The following AVL9 variants were observed in gnomAD, a reference collection of about 807,000 sequenced individuals.
AVL9 encodes the protein late secretory pathway protein AVL9 homolog.
In AVL9, 49 loss-of-function variants were observed where a neutral mutation model predicts 79.2. The observed-to-expected ratio is 0.62, with a 90% confidence interval of 0.49 to 0.79. The LOEUF is 0.79. Among genes scored for constraint, AVL9 ranks in the 30% least tolerant of loss-of-function variants. The pLI is 0.00. For missense variants in AVL9, 682 were observed against 776.8 expected (o/e 0.88, Z 1.45); for synonymous variants, 299 against 280.6 (o/e 1.07, Z -0.65).
Position 32,580,799 on chromosome 7 carries a change from C to T in AVL9, c.1743-3C>T. 6.2e-7 allele frequency: 1 copy of T among 1,610,190 alleles called. No individual in the cohort carries two copies. The highest frequency in any genetic ancestry group is 8.5e-7 in the Non-Finnish European group (1 of 1,177,046). On this transcript the variant is annotated splice_region_variant and splice_polypyrimidine_tract_variant and intron_variant, in intron 14 of 15. Coordinates refer to ENST00000318709, the MANE Select transcript of AVL9 (RefSeq NM_015060.3). ...CACTTCTTTTATCTTATCTTTTACC[C>T]AGTTCTGTTCAGAATAGTGAACGTG...
At chr7:32,539,451 G>T in intron 1 of AVL9, among the ~76,000 whole-genome samples, 2 of 66,634 alleles carry the variant, frequency 3.0e-5, no homozygotes, top group South Asian at 1.2e-3. Flanking sequence ...TGGGTCTTCA[G>T]TTAGTTAACA....
In AVL9 at chr7:32,548,228, A is replaced by G. The variant is rs1789626955; in HGVS notation, c.301-619A>G. ...AGTGGCGTGATCTCAGCTCACTGCA[A>G]CCTCTGCCTCCCGGGTTCAAGCAAT... On this transcript the variant is annotated intron_variant, in intron 3 of 15. Transcript: ENST00000318709. Among the ~76,000 whole-genome samples, 3 of 144,638 alleles carry G rather than the reference A, an allele frequency of 2.1e-5. No homozygotes were observed. In the South Asian group the frequency reaches 6.5e-4, roughly 32 times the overall value. The allele number at this position is 144,638 out of a possible 152,430, so 94.9% of individuals were successfully genotyped here.
chr7:32,547,930 C>G (rs1311439447), intron 3 of AVL9, among the ~76,000 whole-genome samples: 1 of 152,158 alleles, frequency 6.6e-6, no homozygotes, highest in African/African-American at 2.4e-5. Context: ...CACAGCCTTG[C>G]CTGAGGTTAA....
chr7:32,561,908 A>C (rs1251568476), intron 10 of AVL9, among the ~76,000 whole-genome samples: 1 of 152,112 alleles, frequency 6.6e-6, no homozygotes, highest in Non-Finnish European at 1.5e-5. Flanking sequence ...ATCTCAGGGG[A>C]TAGGGAGGCC....
intron 10 of AVL9, 62 bp from the exon 11 acceptor site, chr7:32,569,958 G>A: frequency 1.3e-6 from 2 of 1,565,504 alleles, no homozygotes; most frequent in Non-Finnish European, 1.8e-6. Context: ...AGCTCACTAA[G>A]TTTAAAGAGA....
chr7:32,578,515 A>G (rs1405062002), intron 13 of AVL9, among the ~76,000 whole-genome samples: 1 of 152,232 alleles, frequency 6.6e-6, no homozygotes, highest in Non-Finnish European at 1.5e-5. Context: ...CAAATTAAAA[A>G]TAACAAATGT....
chr7:32,544,034 T>C (rs1418849681), intron 2 of AVL9, among the ~76,000 whole-genome samples: 1 of 152,010 alleles, frequency 6.6e-6, no homozygotes, highest in African/African-American at 2.4e-5. Context: ...GCTGTGGTTA[T>C]AGACGTGAGC....
At chr7:32,510,922 C>A (rs1366175013) in intron 1 of AVL9, among the ~76,000 whole-genome samples, 1 of 141,178 alleles carries the variant, frequency 7.1e-6, no homozygotes, top group Non-Finnish European at 1.6e-5. Flanking sequence ...TGAGGGAAGC[C>A]ATCTCTCCAG....
At chr7:32,549,789 G>A (rs1789717021) in intron 4 of AVL9, among the ~76,000 whole-genome samples, 1 of 150,926 alleles carries the variant, frequency 6.6e-6, no homozygotes. Context: ...GCACGGTGGT[G>A]CACCCCTCTA....
chr7:32,535,254 G>C (rs1054691460), intron 1 of AVL9: 3 of 152,148 alleles, frequency 2.0e-5, no homozygotes, highest in Non-Finnish European at 4.4e-5. Flanking sequence ...AAAATCTTTG[G>C]AGACCATTGG....
At chr7:32,511,710 A>ATTAGT (rs1787682555) in intron 1 of AVL9, among the ~76,000 whole-genome samples, 2 of 151,978 alleles carry the variant, frequency 1.3e-5, no homozygotes, top group East Asian at 3.9e-4. Flanking sequence ...GCTGGGGGAA[A>ATTAGT]CAGGTACGCT....
At chr7:32,521,421 A>T (rs952893710) in intron 1 of AVL9, among the ~76,000 whole-genome samples, 1 of 152,176 alleles carries the variant, frequency 6.6e-6, no homozygotes, top group African/African-American at 2.4e-5. Context: ...ACTGGAGTAA[A>T]GGTGACTTTT....
At chr7:32,512,967 A>AGGCATGGAGGGATCCATGAGGG (rs1490396171) in intron 1 of AVL9, among the ~76,000 whole-genome samples, 2 of 152,270 alleles carry the variant, frequency 1.3e-5, no homozygotes, top group African/African-American at 4.8e-5. Context: ...ATCCATGAGG[A>AGGCATGGAGGGATCCATGAGGG]GGCATGGAGA....
intron 3 of AVL9, among the ~76,000 whole-genome samples, chr7:32,545,845 T>C (rs1395611867): frequency 6.6e-6 from 1 of 152,190 alleles, no homozygotes; most frequent in African/African-American, 2.4e-5. Context: ...ATTAATACTC[T>C]AAAGTAGTGA....
At chr7:32,527,687 G>A (rs891671872) in intron 1 of AVL9, among the ~76,000 whole-genome samples, 1 of 152,050 alleles carries the variant, frequency 6.6e-6, no homozygotes, top group South Asian at 2.1e-4. Context: ...ATGGGCCCAC[G>A]GCAGGCTGCT....
intron 14 of AVL9, 80 bp from the exon 15 acceptor site, chr7:32,580,722 T>C (rs1791457052): frequency 1.2e-6 from 1 of 865,172 alleles, no homozygotes; most frequent in Non-Finnish European, 1.9e-6. Context: ...ATTGTGTGTG[T>C]GTCTATATGT....
intron 1 of AVL9, chr7:32,534,943 G>C (rs1284225595): frequency 6.6e-6 from 1 of 152,142 alleles, no homozygotes; most frequent in Non-Finnish European, 1.5e-5. Flanking sequence ...GCCAGATCCT[G>C]TCTCAAACAA....
In AVL9 at chr7:32,559,104, T is replaced by C. The variant is rs367912958; in HGVS notation, c.855T>C (p.His285=). The change falls in exon 10 of 16, where the codon CAT becomes CAC. Residue 285 remains histidine (H), a synonymous_variant. Coordinates refer to ENST00000318709, the MANE Select transcript of AVL9 (RefSeq NM_015060.3). ...GTIRKVMAGN[H]GEDAAMKTEE... ...TCAGGAAAGTCATGGCAGGAAACCA[T>C]GGAGAAGATGCTGCCATGAAGACTG... The C allele has an allele frequency of 1.1e-5, 18 of 1,613,924 alleles. No individual in the cohort carries two copies. Among genetic ancestry groups the C allele is most frequent in the Admixed American group, 3.3e-5 (2 of 60,000 alleles).
intron 8 of AVL9, among the ~76,000 whole-genome samples, chr7:32,557,820 C>T (rs1234374612): frequency 6.8e-6 from 1 of 147,538 alleles, no homozygotes; most frequent in Non-Finnish European, 1.5e-5. Flanking sequence ...GGTGATTTGT[C>T]TGTTAGTACT....
Sources: gnomAD v4.1 joint callset for allele counts (sites outside exome capture counted in the v4.1 genomes callset) on GRCh38, gnomAD v4.1.1 for gene constraint, MANE v1.5 for transcripts, NCBI Gene and HGNC (gene_info 2026-07-23, HGNC 2026-07-21) for gene names.